The following ZNF385D variants were observed in gnomAD, a reference collection of about 807,000 sequenced individuals.
The protein encoded by ZNF385D is zinc finger protein 385D, also known as zinc finger protein 659.
ZNF385D carries 15 observed loss-of-function variants against 35.8 expected under a neutral mutation model. That is an observed-to-expected ratio of 0.42 (90% CI 0.28 to 0.64). The LOEUF is 0.64. Ranked by LOEUF, ZNF385D falls within the 30% of genes least tolerant of loss-of-function variation. The pLI, the probability that ZNF385D is intolerant of heterozygous loss-of-function variation, is 0.23. For missense variants in ZNF385D, 474 were observed against 494.6 expected, an observed-to-expected ratio of 0.96 and a Z score of 0.39; for synonymous variants, 212 against 186.8, an observed-to-expected ratio of 1.13 and a Z score of -1.10.
In ZNF385D at chr3:22,279,763, A is replaced by T. The variant is rs79618297; in HGVS notation, c.106+92687T>A. Among the ~76,000 whole-genome samples, 235 of 151,800 alleles carry T rather than the reference A, an allele frequency of 1.5e-3. 5 individuals carry two copies. In the East Asian group the frequency reaches 0.038, roughly 25 times the overall value. On this transcript the variant is annotated intron_variant, in intron 2 of 5. Transcript: ENST00000494108. ...TATAAATATGCGTGTGCAAGTAACTAATTTGTATAATGACTTCTTTTCCTC... is the reference window on the plus strand; with the variant it reads ...TATAAATATGCGTGTGCAAGTAACTTATTTGTATAATGACTTCTTTTCCTC...
At chr3:21,751,288 T>G (rs972321375), upstream of ZNF385D, 16 of 1,076,410 alleles carry the variant, frequency 1.5e-5, no homozygotes, top group African/African-American at 1.8e-5. Context: ...GTGCTCCGAC[T>G]GCCTGCCTGG....
chr3:21,939,623 A>G lies in ZNF385D; in HGVS notation c.325+229194T>C, dbSNP rs139248157. Among the ~76,000 whole-genome samples, 651 of 152,354 alleles carry G rather than the reference A, an allele frequency of 4.3e-3. 2 individuals carry two copies. Among genetic ancestry groups the G allele is most frequent in the Non-Finnish European group, 7.0e-3 (476 of 68,032 alleles). ...CCAGTCCTTATAATAAAAAAAGAAA[A>G]TATAGATGAATGGAGAGAAATCAAG... On this transcript the variant is annotated intron_variant, in intron 3 of 5. Coordinates refer to the ZNF385D transcript ENST00000494108.
At chr3:21,756,022 T>C (rs2070323523), upstream of ZNF385D, among the ~76,000 whole-genome samples, 1 of 152,194 alleles carries the variant, frequency 6.6e-6, no homozygotes. Context: ...CCATTAGAAA[T>C]ACTTTGACTT....
At chr3:22,335,666 G>A (rs1695129740) in intron 2 of ZNF385D, among the ~76,000 whole-genome samples, 1 of 152,118 alleles carries the variant, frequency 6.6e-6, no homozygotes, top group African/African-American at 2.4e-5. Flanking sequence ...GTCTTTGCCT[G>A]AAGAGCATTG....
chr3:21,438,765 A>G (rs896219079), intron 4 of ZNF385D, among the ~76,000 whole-genome samples: 1 of 152,140 alleles, frequency 6.6e-6, no homozygotes, highest in African/African-American at 2.4e-5. Context: ...TTTCAAAATC[A>G]TGCTGCAAAT....
intron 2 of ZNF385D, among the ~76,000 whole-genome samples, chr3:21,656,386 T>C (rs1194927684): frequency 6.6e-6 from 1 of 151,928 alleles, no homozygotes; most frequent in Non-Finnish European, 1.5e-5. Flanking sequence ...CTTCTGAAGA[T>C]TGTTAGGGAA....
At chr3:21,836,916 C>A (rs1695363546) in intron 3 of ZNF385D, among the ~76,000 whole-genome samples, 1 of 152,120 alleles carries the variant, frequency 6.6e-6, no homozygotes, top group South Asian at 2.1e-4. Flanking sequence ...TTCCACTCTT[C>A]TTCTCTTCCC....
At chr3:21,427,543 C>T (rs1371436822) in intron 5 of ZNF385D, among the ~76,000 whole-genome samples, 1 of 152,062 alleles carries the variant, frequency 6.6e-6, no homozygotes, top group Non-Finnish European at 1.5e-5. Context: ...AAAAGCCAGA[C>T]ATAGGTGGCT....
chr3:21,834,194 C>T lies in ZNF385D; in HGVS notation c.326-169166G>A, dbSNP rs554207506. Among the ~76,000 whole-genome samples, 4 of 152,212 alleles carry T rather than the reference C, an allele frequency of 2.6e-5. No individual in the cohort carries two copies. The East Asian group carries it at 5.8e-4, about 22-fold the overall frequency. ...ATGTTTGCTTACCTCCATTCATTCCCTTCTCCTTCTTTTCTGAAGTATCCT... is the reference window on the plus strand; with the variant it reads ...ATGTTTGCTTACCTCCATTCATTCCTTTCTCCTTCTTTTCTGAAGTATCCT... On this transcript the variant is annotated intron_variant, in intron 3 of 5. Coordinates refer to the ZNF385D transcript ENST00000494108.
intron 2 of ZNF385D, among the ~76,000 whole-genome samples, chr3:22,333,320 C>A (rs1475968369): frequency 6.6e-6 from 1 of 152,092 alleles, no homozygotes; most frequent in Non-Finnish European, 1.5e-5. Context: ...TAGGTTTATT[C>A]ACCAAATTTA....
At chr3:22,169,490 A>G (rs1272881354) in intron 2 of ZNF385D, among the ~76,000 whole-genome samples, 1 of 152,194 alleles carries the variant, frequency 6.6e-6, no homozygotes, top group Non-Finnish European at 1.5e-5. Context: ...TTTTGTTTTA[A>G]TTCAACTAAA....
rs79284049 is a variant in ZNF385D at position 21,453,142 on chromosome 3, T to C, written c.440-15939A>G. Among the ~76,000 whole-genome samples the C allele has an allele frequency of 2.1e-4, 31 of 146,462 alleles. No homozygotes were observed. The East Asian group carries it at 6.2e-3, about 29-fold the overall frequency. Reference sequence around the variant, plus strand: ...AAAAGAATAGTCTCTTCAACAATGATGCTAGGACAAATAAGCATACACATG... The same window carrying C: ...AAAAGAATAGTCTCTTCAACAATGACGCTAGGACAAATAAGCATACACATG... On this transcript the variant is annotated intron_variant, in intron 4 of 7. Transcript: ENST00000281523.
At chr3:22,369,936 G>T (rs557974823) in intron 2 of ZNF385D, among the ~76,000 whole-genome samples, 1 of 152,264 alleles carries the variant, frequency 6.6e-6, no homozygotes, top group Admixed American at 6.5e-5. Flanking sequence ...ACTTAGCAAT[G>T]AGAAATGCAA....
chr3:21,689,213 C>T (rs1014989964), intron 1 of ZNF385D, among the ~76,000 whole-genome samples: 2 of 151,368 alleles, frequency 1.3e-5, no homozygotes, highest in Non-Finnish European at 2.9e-5. Flanking sequence ...GCTGCCTATG[C>T]TCTAATAAAA....
At chr3:22,139,904 T>C (rs1704395671) in intron 3 of ZNF385D, among the ~76,000 whole-genome samples, 2 of 152,124 alleles carry the variant, frequency 1.3e-5, no homozygotes, top group Non-Finnish European at 2.9e-5. Flanking sequence ...GTGAAATATA[T>C]CTACACTCCC....
chr3:22,209,287 G>A (rs1445746065), intron 2 of ZNF385D, among the ~76,000 whole-genome samples: 1 of 151,860 alleles, frequency 6.6e-6, no homozygotes, highest in Non-Finnish European at 1.5e-5. Context: ...TTCATGTTTA[G>A]TCTTATAAAT....
intron 3 of ZNF385D, among the ~76,000 whole-genome samples, chr3:21,782,646 C>T (rs959094237): frequency 4.6e-5 from 7 of 151,992 alleles, no homozygotes; most frequent in East Asian, 1.9e-4. Flanking sequence ...GTAAAAAACA[C>T]GCCTAATATA....
intron 3 of ZNF385D, among the ~76,000 whole-genome samples, chr3:21,842,865 T>A (rs1695764965): frequency 6.6e-6 from 1 of 152,074 alleles, no homozygotes. Flanking sequence ...TAAGATCATT[T>A]TGGTCTCTTC....
At chr3:21,770,245 AAT>A (rs1211433944) in intron 3 of ZNF385D, among the ~76,000 whole-genome samples, 2 of 152,160 alleles carry the variant, frequency 1.3e-5, no homozygotes, top group Non-Finnish European at 2.9e-5. Flanking sequence ...AATGGGATCT[AAT>A]TAAACTAAAG....
Sources: allele counts gnomAD v4.1 joint callset (sites outside exome capture counted in the v4.1 genomes callset), GRCh38; gene constraint gnomAD v4.1.1; transcripts MANE v1.5; gene names NCBI Gene and HGNC (gene_info 2026-07-23, HGNC 2026-07-21).